The following PTPRK variants were observed in gnomAD, a reference collection of about 807,000 sequenced individuals.
The protein encoded by PTPRK is receptor-type tyrosine-protein phosphatase kappa.
In PTPRK, 75 loss-of-function variants were observed where a neutral mutation model predicts 178.0. The observed-to-expected ratio is 0.42, with a 90% confidence interval of 0.35 to 0.51. PTPRK has a LOEUF of 0.51. PTPRK is among the 20% of genes least tolerant of loss of function. The pLI is 0.02. For synonymous variants in PTPRK, 637 were observed against 620.6 expected, an observed-to-expected ratio of 1.03 and a Z score of -0.39; for missense variants, 1,441 against 1,797.8, an observed-to-expected ratio of 0.80 and a Z score of 3.59.
intron 3 of PTPRK, among the ~76,000 whole-genome samples, chr6:128,307,743 T>C (rs1030237043): frequency 6.6e-6 from 1 of 152,114 alleles, no homozygotes; most frequent in Middle Eastern, 3.2e-3. Flanking sequence ...AAAATTCAAA[T>C]TTGGACCACA....
intron 2 of PTPRK, among the ~76,000 whole-genome samples, chr6:128,331,184 G>A (rs1184258177): frequency 1.3e-5 from 2 of 152,136 alleles, no homozygotes; most frequent in African/African-American, 4.8e-5. Context: ...CTAGAACAAG[G>A]TCTGGAGTAT....
intron 27 of PTPRK, among the ~76,000 whole-genome samples, chr6:127,975,263 TTC>T (rs1318495754): frequency 6.6e-6 from 1 of 152,292 alleles, no homozygotes; most frequent in South Asian, 2.1e-4. Flanking sequence ...TCTTCAGCAG[TTC>T]TGTTTTTTTC....
intron 3 of PTPRK, among the ~76,000 whole-genome samples, chr6:128,304,465 A>T (rs1826084692): frequency 1.3e-5 from 2 of 152,338 alleles, no homozygotes; most frequent in East Asian, 3.8e-4. Flanking sequence ...AGTTATTTGT[A>T]AAATGCATAA....
chr6:127,995,211 A>T, intron 18 of PTPRK: 1 of 1,552,296 alleles, frequency 6.4e-7, no homozygotes, highest in Non-Finnish European at 8.8e-7. Flanking sequence ...GTTTGTATTT[A>T]TAATAGGGTG....
intron 7 of PTPRK, among the ~76,000 whole-genome samples, chr6:128,172,743 C>T (rs907747602): frequency 8.6e-5 from 13 of 151,260 alleles, no homozygotes; most frequent in Admixed American, 2.6e-4. Flanking sequence ...CATATACACA[C>T]GTACATATAA....
chr6:128,287,514 A>G lies in PTPRK; in HGVS notation c.495+34525T>C, dbSNP rs150013137. On this transcript the variant is annotated intron_variant, in intron 3 of 29. Transcript: ENST00000368226. ...TCTTTCACCTCAGAGGGACTTCCAA[A>G]CTTTTATCTACCTTCAACCTCACAG... Among the ~76,000 whole-genome samples the G allele has an allele frequency of 4.1e-3, 629 of 152,180 alleles. 4 individuals carry two copies. The highest frequency in any genetic ancestry group is 0.015 in the African/African-American group (603 of 41,526).
At chr6:128,020,419 G>A (rs1773326153) in intron 13 of PTPRK, among the ~76,000 whole-genome samples, 1 of 152,116 alleles carries the variant, frequency 6.6e-6, no homozygotes, top group East Asian at 1.9e-4. Flanking sequence ...AGACGTTGGG[G>A]GAAAAAGCTT....
chr6:128,339,701 T>C (rs1013261332), intron 2 of PTPRK, among the ~76,000 whole-genome samples: 1 of 151,934 alleles, frequency 6.6e-6, no homozygotes, highest in Non-Finnish European at 1.5e-5. Flanking sequence ...CCTAAGAAAA[T>C]GAACATAAGT....
chr6:128,078,561 T>G (rs1207404787), intron 11 of PTPRK, among the ~76,000 whole-genome samples: 1 of 152,092 alleles, frequency 6.6e-6, no homozygotes, highest in Non-Finnish European at 1.5e-5. Context: ...ATAAGGTATT[T>G]TGAGAGAGAA....
intron 2 of PTPRK, among the ~76,000 whole-genome samples, chr6:128,324,136 T>A (rs973456435): frequency 1.3e-5 from 2 of 152,140 alleles, no homozygotes; most frequent in Non-Finnish European, 2.9e-5. Context: ...GGCCTCAGCA[T>A]CTTCACAAAC....
chr6:128,159,402 T>C (rs1288725551), intron 7 of PTPRK, among the ~76,000 whole-genome samples: 1 of 151,832 alleles, frequency 6.6e-6, no homozygotes, highest in Non-Finnish European at 1.5e-5. Context: ...CACCTTCTGG[T>C]TTATTTCCCA....
chr6:128,199,756 C>G (rs1342973079), intron 6 of PTPRK, among the ~76,000 whole-genome samples: 1 of 152,172 alleles, frequency 6.6e-6, no homozygotes, highest in African/African-American at 2.4e-5. Context: ...AAATCTAATT[C>G]CTTCAAAATT....
At chr6:128,025,720 C>T (rs1774193992) in intron 13 of PTPRK, among the ~76,000 whole-genome samples, 1 of 152,132 alleles carries the variant, frequency 6.6e-6, no homozygotes, top group African/African-American at 2.4e-5. Flanking sequence ...TCATTCCTTG[C>T]CTTTTCCAGC....
chr6:128,216,536 G>GAAAAA (rs1363945460), intron 6 of PTPRK, among the ~76,000 whole-genome samples: 1 of 103,114 alleles, frequency 9.7e-6, no homozygotes, highest in East Asian at 3.0e-4. Context: ...TTCTGTCTCA[G>GAAAAA]AAAAATAAAA....
chr6:128,132,501 G>C (rs1412790685), intron 7 of PTPRK, among the ~76,000 whole-genome samples: 3 of 152,220 alleles, frequency 2.0e-5, no homozygotes, highest in African/African-American at 7.2e-5. Flanking sequence ...ATGAAAACTA[G>C]TGCCATCAGT....
chr6:128,445,208 A>AATAG (rs200604162), intron 1 of PTPRK, among the ~76,000 whole-genome samples: 2 of 140,260 alleles, frequency 1.4e-5, no homozygotes, highest in Non-Finnish European at 3.0e-5. Context: ...ATTTATATAT[A>AATAG]TATATATATA....
At chr6:128,146,424 ATGTGTGTGTGTGTGTG>A (rs35899707) in intron 7 of PTPRK, among the ~76,000 whole-genome samples, 3 of 135,906 alleles carry the variant, frequency 2.2e-5, no homozygotes, top group African/African-American at 8.0e-5. Flanking sequence ...GTGTGTGTTT[ATGTGTGTGTGTGTGTG>A]TGTGTGTGTG....
intron 3 of PTPRK, among the ~76,000 whole-genome samples, chr6:128,255,139 C>T (rs1052998700): frequency 2.6e-5 from 4 of 152,060 alleles, no homozygotes; most frequent in South Asian, 2.1e-4. Context: ...TACAGGCGCC[C>T]GCCACCATGC....
intron 2 of PTPRK, among the ~76,000 whole-genome samples, chr6:128,381,766 A>T (rs1837944653): frequency 6.6e-6 from 1 of 152,196 alleles, no homozygotes; most frequent in African/African-American, 2.4e-5. Flanking sequence ...CAAGCAATAA[A>T]ACCTAGATTT....
Sources: allele counts gnomAD v4.1 joint callset (sites outside exome capture counted in the v4.1 genomes callset), GRCh38; gene constraint gnomAD v4.1.1; transcripts MANE v1.5; gene names NCBI Gene and HGNC (gene_info 2026-07-23, HGNC 2026-07-21).